Variants in SERPIND1 observed in about 807,000 individuals in gnomAD.
SERPIND1 encodes the protein serpin family D member 1, also known as heparin cofactor 2.
In SERPIND1, 34 loss-of-function variants were observed where a neutral mutation model predicts 35.0. That is an observed-to-expected ratio of 0.97 (90% CI 0.74 to 1.29). SERPIND1 has a LOEUF of 1.29. Among genes scored for constraint, SERPIND1 ranks in the 50% most tolerant of loss-of-function variants. The probability of loss-of-function intolerance (pLI) is 0.00; values close to 1 mark genes in which losing one functional copy is unlikely to be tolerated. For synonymous variants in SERPIND1, 236 were observed against 241.1 expected, an observed-to-expected ratio of 0.98 and a Z score of 0.19; for missense variants, 633 against 637.7, an observed-to-expected ratio of 0.99 and a Z score of 0.08.
At chr22:20,775,743 G>C (rs561757970) in intron 1 of SERPIND1, among the ~76,000 whole-genome samples, 1 of 152,068 alleles carries the variant, frequency 6.6e-6, no homozygotes, top group Non-Finnish European at 1.5e-5. Flanking sequence ...TCCTGCCTTG[G>C]CCTCCCAAGA....
chr22:20,780,655 A>C (rs1344809249), intron 2 of SERPIND1, among the ~76,000 whole-genome samples: 1 of 151,670 alleles, frequency 6.6e-6, no homozygotes, highest in Non-Finnish European at 1.5e-5. Context: ...GGGTGCCTGT[A>C]CTCCCAGCTA....
intron 2 of SERPIND1, among the ~76,000 whole-genome samples, chr22:20,781,217 A>C (rs997002385): frequency 3.3e-5 from 5 of 152,218 alleles, no homozygotes; most frequent in Non-Finnish European, 1.5e-5. Context: ...ATGGATTTGT[A>C]AAATCCAAAC....
chr22:20,775,113 A>C (rs1933161624), intron 1 of SERPIND1, among the ~76,000 whole-genome samples: 1 of 152,176 alleles, frequency 6.6e-6, no homozygotes, highest in Admixed American at 6.5e-5. Flanking sequence ...ACGGTTTATC[A>C]AGTGTTATGC....
At chr22:20,782,388 A>T (rs1013086179) in intron 2 of SERPIND1, among the ~76,000 whole-genome samples, 1 of 152,250 alleles carries the variant, frequency 6.6e-6, no homozygotes, top group Non-Finnish European at 1.5e-5. Flanking sequence ...AATGCCGGGC[A>T]TCACAAGGGA....
At position 20,783,705 on chromosome 22, in the gene SERPIND1, G is replaced by A. The variant is rs190125836; in HGVS notation, c.890-267G>A. 7.2e-5 allele frequency among the ~76,000 whole-genome samples: 11 copies of A among 152,266 alleles called. 1 individual carries two copies. The highest frequency in any genetic ancestry group is 2.4e-4 in the African/African-American group (10 of 41,550). Reference sequence around the variant, plus strand: ...ATGTGACAGATGAAGAAATAGAAGCGAGTTAGGTGCCTTACCATGGTCAAA... The same window carrying A: ...ATGTGACAGATGAAGAAATAGAAGCAAGTTAGGTGCCTTACCATGGTCAAA... On this transcript the variant is annotated intron_variant, in intron 2 of 4. Coordinates refer to ENST00000215727, the MANE Select transcript of SERPIND1 (RefSeq NM_000185.4).
In SERPIND1 at chr22:20,779,866, A is replaced by G. The variant is rs997898499; in HGVS notation, c.554A>G (p.Asp185Gly). 6.2e-7 allele frequency: 1 copy of G among 1,614,194 alleles called. No homozygotes were observed. The highest frequency in any genetic ancestry group is 1.3e-5 in the African/African-American group (1 of 75,050). Residue 185 changes from aspartate to glycine, a missense_variant, in exon 2 of 5, where the codon GAC becomes GGC. Asp to Gly is a moderately conservative substitution (Grantham distance 94, BLOSUM62 -1). Coordinates refer to ENST00000215727, the MANE Select transcript of SERPIND1 (RefSeq NM_000185.4). ...GTGCACTCGATTTTGCATTTTAAAG[A>G]CTTTGTTAATGCCAGCAGCAAGTAT... ...EQVHSILHFKDFVNASSKYEI... is the reference protein window; with the variant it reads ...EQVHSILHFKGFVNASSKYEI...
chr22:20,783,053 T>C (rs879390805), intron 2 of SERPIND1, among the ~76,000 whole-genome samples: 1 of 152,222 alleles, frequency 6.6e-6, no homozygotes, highest in Admixed American at 6.5e-5. Context: ...AACTTGCATG[T>C]TGCTAGGAGC....
rs571260254 is a variant in SERPIND1, at chr22:20,786,887, G to A, written c.1321G>A (p.Gly441Ser). Residue 441 changes from glycine (G) to serine (S), a missense_variant, in exon 5 of 5, where the codon GGC becomes AGC. Coordinates refer to ENST00000215727, the MANE Select transcript of SERPIND1 (RefSeq NM_000185.4). ...RIAIDLFKHQGTITVNEEGTQ... is the reference protein window; with the variant it reads ...RIAIDLFKHQSTITVNEEGTQ... ...CCTTTCCAAACAGTTCAAGCACCAA[G>A]GCACGATCACAGTGAACGAGGAAGG... 2 of 1,614,160 alleles carry A rather than the reference G, an allele frequency of 1.2e-6. No individual in the cohort carries two copies. Among genetic ancestry groups the A allele is most frequent in the South Asian group, 2.2e-5 (2 of 91,076 alleles).
rs1934205475 is a variant in SERPIND1, at chr22:20,786,153, C to G, written c.1308+5C>G. On this transcript the variant is annotated splice_donor_5th_base_variant and intron_variant, in intron 4 of 4. Coordinates refer to ENST00000215727, the MANE Select transcript of SERPIND1 (RefSeq NM_000185.4). ...CAAAGGATCGCCATCGACCTGGTAA[C>G]CACTCCCTTGTCCACCCCCGACCCG... 6.2e-7 allele frequency: 1 copy of G among 1,613,870 alleles called. No individual in the cohort carries two copies. Among genetic ancestry groups the G allele is most frequent in the African/African-American group, 1.3e-5 (1 of 74,894 alleles).
At chr22:20,783,355 G>A (rs1933941976) in intron 2 of SERPIND1, among the ~76,000 whole-genome samples, 1 of 151,748 alleles carries the variant, frequency 6.6e-6, no homozygotes. Context: ...CCAGTGCTTT[G>A]GAAGGCTGAG....
intron 2 of SERPIND1, among the ~76,000 whole-genome samples, chr22:20,782,806 G>A (rs1019415500): frequency 7.9e-5 from 12 of 152,116 alleles, no homozygotes; most frequent in African/African-American, 2.9e-4. Context: ...CTATTATGTG[G>A]CCCAAATGTC....
At chr22:20,782,291 C>A (rs1933859850) in intron 2 of SERPIND1, among the ~76,000 whole-genome samples, 1 of 152,124 alleles carries the variant, frequency 6.6e-6, no homozygotes, top group Admixed American at 6.5e-5. Context: ...TGACAATCTC[C>A]TAAACACAGT....
At chr22:20,775,554 T>C (rs1045716523) in intron 1 of SERPIND1, among the ~76,000 whole-genome samples, 5 of 152,246 alleles carry the variant, frequency 3.3e-5, no homozygotes, top group Non-Finnish European at 7.3e-5. Flanking sequence ...TCAGATACGT[T>C]TTCCTGAATG....
chr22:20,782,700 G>C (rs939994824), intron 2 of SERPIND1, among the ~76,000 whole-genome samples: 2 of 152,166 alleles, frequency 1.3e-5, no homozygotes, highest in African/African-American at 4.8e-5. Flanking sequence ...TCACAACCTG[G>C]GGGGTTGGAG....
rs1934315687 is a variant in SERPIND1, at chr22:20,787,186, G to A, written c.*120G>A. On this transcript the variant is annotated 3_prime_UTR_variant, in exon 5 of 5. Coordinates refer to ENST00000215727, the MANE Select transcript of SERPIND1 (RefSeq NM_000185.4). ...TAGTTTACGCTACCAATCTGAATTC[G>A]AGGCCCATATGAGAGGAGCTTAGAA... is the stretch of plus-strand genomic sequence containing the variant. 1.5e-5 allele frequency: 14 copies of A among 923,318 alleles called. No homozygotes were observed. Among genetic ancestry groups the A allele is most frequent in the Non-Finnish European group, 2.2e-5 (13 of 579,584 alleles). 57.2% of individuals were successfully genotyped at this position (923,318 alleles called of 1,614,324 possible).
rs371383837 is a variant in SERPIND1, at chr22:20,784,221, G to A, written c.1139G>A (p.Arg380Lys). Residue 380 changes from arginine to lysine, a missense_variant, in exon 3 of 5, where the codon AGA becomes AAA. By Grantham distance (26) the Arg-to-Lys change is conservative. Transcript: ENST00000215727. ...EAQLTPRVVERWQKSMTNRTR... is the reference protein window; with the variant it reads ...EAQLTPRVVEKWQKSMTNRTR... ...CAACTGACACCCCGGGTGGTGGAGA[G>A]ATGGCAAAAAAGCATGACAAACAGG... 8.7e-6 allele frequency: 14 copies of A among 1,614,156 alleles called. No individual in the cohort carries two copies. Among genetic ancestry groups the A allele is most frequent in the Non-Finnish European group, 1.2e-5 (14 of 1,180,018 alleles).
At position 20,774,909 on chromosome 22, in the gene SERPIND1, G is replaced by A. The variant is rs199547792; in HGVS notation, c.-17+764G>A. Among the ~76,000 whole-genome samples, 16 of 152,204 alleles carry A rather than the reference G, an allele frequency of 1.1e-4. No individual in the cohort carries two copies. In the East Asian group the frequency reaches 3.1e-3, roughly 29 times the overall value. On this transcript the variant is annotated intron_variant, in intron 1 of 4. Coordinates refer to ENST00000215727, the MANE Select transcript of SERPIND1 (RefSeq NM_000185.4). ...ACACACACACACAGATAATGACAGGGCAAAGGTTCCAAAATTTTAAACCTG... is the reference window on the plus strand; with the variant it reads ...ACACACACACACAGATAATGACAGGACAAAGGTTCCAAAATTTTAAACCTG...
intron 1 of SERPIND1, among the ~76,000 whole-genome samples, chr22:20,776,487 A>G (rs1933289361): frequency 6.6e-6 from 1 of 152,214 alleles, no homozygotes. Context: ...TGTGCAATTC[A>G]AAAGTCTTTC....
intron 1 of SERPIND1, among the ~76,000 whole-genome samples, chr22:20,776,375 T>C (rs114147352): frequency 0.03 from 4,524 of 152,198 alleles, 89 homozygotes; most frequent in Middle Eastern, 0.061. Context: ...TTCCCGTGTG[T>C]AAACTAGTGG....
Sources: gnomAD v4.1 joint callset for allele counts (sites outside exome capture counted in the v4.1 genomes callset) on GRCh38, gnomAD v4.1.1 for gene constraint, MANE v1.5 for transcripts, NCBI Gene and HGNC (gene_info 2026-07-23, HGNC 2026-07-21) for gene names.